The following LPIN1 variants were observed in gnomAD, a reference collection of about 807,000 sequenced individuals.
The protein encoded by LPIN1 is phosphatidate phosphatase LPIN1.
Under a neutral mutation model 107.5 loss-of-function variants are expected in LPIN1, and 71 were observed. The ratio of observed to expected loss-of-function variants is 0.66; its 90% confidence interval spans 0.55 to 0.80. The LOEUF (loss-of-function observed/expected upper bound fraction) is 0.80, where lower values mean the gene tolerates loss of function less well. LPIN1 is among the 30% of genes least tolerant of loss of function. The pLI is 0.00. For synonymous variants in LPIN1, 445 were observed against 452.6 expected, an observed-to-expected ratio of 0.98 and a Z score of 0.21; for missense variants, 1,043 against 1,160.6, an observed-to-expected ratio of 0.90 and a Z score of 1.47.
At chr2:11,686,656 C>T (rs1252178733) in intron 1 of LPIN1, among the ~76,000 whole-genome samples, 3 of 152,142 alleles carry the variant, frequency 2.0e-5, no homozygotes, top group African/African-American at 7.2e-5. Flanking sequence ...AGAGCACTCT[C>T]CTTCTCATGC....
At chr2:11,710,121 A>T (rs1663334437) in intron 1 of LPIN1, among the ~76,000 whole-genome samples, 1 of 152,178 alleles carries the variant, frequency 6.6e-6, no homozygotes, top group Non-Finnish European at 1.5e-5. Context: ...GAGTGAGATT[A>T]TCTTTCTCCT....
At chr2:11,741,100 G>T in intron 1 of LPIN1, 1 of 333,768 alleles carries the variant, frequency 3.0e-6, no homozygotes. Context: ...GGAGCAGGAC[G>T]GCCTTCACAG....
At chr2:11,823,938 G>A (rs542553873) in intron 20 of LPIN1, among the ~76,000 whole-genome samples, 2 of 152,234 alleles carry the variant, frequency 1.3e-5, no homozygotes, top group South Asian at 4.1e-4. Flanking sequence ...GGAGAGCCCG[G>A]GTCTCTTGAC....
At position 11,804,586 on chromosome 2, in the gene LPIN1, C is replaced by G. The variant is rs754318284; in HGVS notation, c.2162+15C>G. ...ACAATTACCAGGTAGGTCCTGCTGA[C>G]TTGGGGCCCATGGTAGATTTCTTTG... On this transcript the variant is annotated intron_variant, in intron 16 of 20. Coordinates refer to ENST00000674199, the MANE Select transcript of LPIN1 (RefSeq NM_001349206.2). The G allele has an allele frequency of 5.6e-6, 9 of 1,612,982 alleles. No homozygotes were observed. Among genetic ancestry groups the G allele is most frequent in the Non-Finnish European group, 7.6e-6 (9 of 1,179,890 alleles).
intron 1 of LPIN1, among the ~76,000 whole-genome samples, chr2:11,696,771 C>T (rs1662603554): frequency 6.6e-6 from 1 of 152,242 alleles, no homozygotes; most frequent in Admixed American, 6.5e-5. Context: ...ACCACTGATC[C>T]CAGCAGTGGC....
chr2:11,705,621 G>A (rs1299195716), intron 1 of LPIN1, among the ~76,000 whole-genome samples: 1 of 152,156 alleles, frequency 6.6e-6, no homozygotes, highest in Non-Finnish European at 1.5e-5. Flanking sequence ...AGTAGCATGT[G>A]CAAAGGCTGT....
rs773337013 is a variant in LPIN1 at position 11,815,207 on chromosome 2, T to C, written c.2369T>C (p.Leu790Pro). The part of the protein sequence containing the change: ...GTVLPQGPLL[L>P]SPSSLFSALH... Reference sequence around the variant, plus strand: ...GTGCTGCCCCAGGGGCCCCTGCTGCTGAGTCCCAGCAGCCTCTTCTCTGCC... The same window carrying C: ...GTGCTGCCCCAGGGGCCCCTGCTGCCGAGTCCCAGCAGCCTCTTCTCTGCC... Residue 790 changes from leucine to proline, a missense_variant, in exon 18 of 21, where the codon CTG becomes CCG. By Grantham distance (98) the Leu-to-Pro change is moderately conservative. Coordinates refer to ENST00000674199, the MANE Select transcript of LPIN1 (RefSeq NM_001349206.2). 6.2e-7 allele frequency: 1 copy of C among 1,614,206 alleles called. No individual in the cohort carries two copies. Among genetic ancestry groups the C allele is most frequent in the South Asian group, 1.1e-5 (1 of 91,078 alleles).
chr2:11,761,677 C>G (rs1294217189), intron 1 of LPIN1, among the ~76,000 whole-genome samples: 2 of 152,172 alleles, frequency 1.3e-5, no homozygotes, highest in African/African-American at 4.8e-5. Flanking sequence ...TTTGACCACT[C>G]TTGAGCCTCA....
rs375264142 is a variant in LPIN1, at chr2:11,773,641, T to A, written c.618T>A (p.Pro206=). 6.8e-6 allele frequency: 11 copies of A among 1,609,486 alleles called. No homozygotes were observed. Among genetic ancestry groups the A allele is most frequent in the Admixed American group, 1.7e-5 (1 of 59,984 alleles). Reference sequence around the variant, plus strand: ...CCAGAACTCTTCCTAATGATATACCTCCATTCCAAGATGATATTCCTGAGG... The same window carrying A: ...CCAGAACTCTTCCTAATGATATACCACCATTCCAAGATGATATTCCTGAGG... The part of the protein sequence containing the change: ...ESSRTLPNDI[P]PFQDDIPEEN... Residue 206 remains proline, a synonymous_variant, in exon 5 of 21, where the codon CCT becomes CCA. Transcript: ENST00000674199.
At chr2:11,738,029 A>G (rs1665960866) in intron 1 of LPIN1, among the ~76,000 whole-genome samples, 2 of 152,240 alleles carry the variant, frequency 1.3e-5, no homozygotes, top group South Asian at 2.1e-4. Flanking sequence ...AAAGTGGCAC[A>G]TATACACCAT....
At chr2:11,709,791 T>C (rs573635336) in intron 1 of LPIN1, among the ~76,000 whole-genome samples, 1 of 152,368 alleles carries the variant, frequency 6.6e-6, no homozygotes, top group African/African-American at 2.4e-5. Context: ...CTCTGAATTC[T>C]CTCTTTTCCT....
chr2:11,807,048 A>G (rs886298969), intron 17 of LPIN1, among the ~76,000 whole-genome samples: 1 of 152,086 alleles, frequency 6.6e-6, no homozygotes, highest in African/African-American at 2.4e-5. Flanking sequence ...TTTTTCCCCT[A>G]TTGCCAACAG....
At chr2:11,815,724 C>A (rs573728164) in intron 18 of LPIN1, among the ~76,000 whole-genome samples, 1 of 152,222 alleles carries the variant, frequency 6.6e-6, no homozygotes, top group South Asian at 2.1e-4. Flanking sequence ...TGGCCTTTGA[C>A]ACCCATCATA....
chr2:11,698,520 C>A (rs958270201), intron 1 of LPIN1, among the ~76,000 whole-genome samples: 1 of 152,148 alleles, frequency 6.6e-6, no homozygotes, highest in Non-Finnish European at 1.5e-5. Context: ...GCAGAAGAAC[C>A]CACTCACGTG....
rs541237175 is a variant in LPIN1, at chr2:11,799,505, C to T, written c.1887-3402C>T. On this transcript the variant is annotated intron_variant, in intron 14 of 20. Coordinates refer to ENST00000674199, the MANE Select transcript of LPIN1 (RefSeq NM_001349206.2). ...CCCGTTCCCAGCAGCATTTGCCAGG[C>T]TGTACCAGCTCCAGGACCACATTTA... 4.9e-4 allele frequency among the ~76,000 whole-genome samples: 75 copies of T among 151,894 alleles called. No individual in the cohort carries two copies. The South Asian group carries it at 0.015, about 31-fold the overall frequency.
intron 13 of LPIN1, among the ~76,000 whole-genome samples, chr2:11,794,343 A>C (rs1676296790): frequency 6.6e-6 from 1 of 152,246 alleles, no homozygotes; most frequent in South Asian, 2.1e-4. Context: ...AGTAAGGAAC[A>C]GTTATGAAAT....
chr2:11,805,386 G>A (rs1678497408), intron 17 of LPIN1: 6 of 614,040 alleles, frequency 9.8e-6, no homozygotes, highest in Non-Finnish European at 1.8e-5. Context: ...AAGTATAGGG[G>A]AATTGATTAC....
intron 7 of LPIN1, among the ~76,000 whole-genome samples, chr2:11,781,961 G>T (rs556020954): frequency 2.6e-4 from 40 of 152,338 alleles, no homozygotes; most frequent in Admixed American, 9.8e-4. Flanking sequence ...CTGCCTGTTG[G>T]CATTGCTAAT....
intron 2 of LPIN1, chr2:11,741,493 T>C: frequency 1.5e-6 from 2 of 1,293,488 alleles, no homozygotes; most frequent in South Asian, 2.6e-5. Context: ...TAAATAATAT[T>C]GTTTGGCAAC....
Sources: allele counts gnomAD v4.1 joint callset (sites outside exome capture counted in the v4.1 genomes callset), GRCh38; gene constraint gnomAD v4.1.1; transcripts MANE v1.5; gene names NCBI Gene and HGNC (gene_info 2026-07-23, HGNC 2026-07-21).